Variants in NCOA7 observed in about 807,000 individuals in gnomAD.
The protein encoded by NCOA7 is nuclear receptor coactivator 7, also known as 140 kDa estrogen receptor-associated protein.
Under a neutral mutation model 104.3 loss-of-function variants are expected in NCOA7, and 45 were observed. The ratio of observed to expected loss-of-function variants is 0.43; its 90% CI spans 0.34 to 0.55. The LOEUF (loss-of-function observed/expected upper bound fraction) is 0.55. Ranked by LOEUF, NCOA7 falls within the 20% of genes least tolerant of loss-of-function variation. The probability of loss-of-function intolerance (pLI) is 0.02; values close to 1 mark genes in which losing one functional copy is unlikely to be tolerated. For synonymous variants in NCOA7, 398 were observed against 402.3 expected (o/e 0.99, Z 0.13); for missense variants, 1,041 against 1,119.7 (o/e 0.93, Z 1.00).
At position 125,846,360 on chromosome 6, in the gene NCOA7, AAT is replaced by A. The variant is rs1491444015; in HGVS notation, c.51-8659_51-8658del. On this transcript the variant is annotated intron_variant, in intron 2 of 15. Coordinates refer to ENST00000392477, the MANE Select transcript of NCOA7 (RefSeq NM_181782.5). ...AGTTTGGATATAAAAAAGAAAAAAA[AAT>A]TTTTTTTTTTTTTTTTTAATCAAAA... is the stretch of plus-strand genomic sequence containing the variant. 1.7e-3 allele frequency among the ~76,000 whole-genome samples: 116 copies of A among 67,556 alleles called. 1 individual carries two copies. Among genetic ancestry groups the A allele is most frequent in the African/African-American group, 4.4e-3 (114 of 25,910 alleles). The allele number at this position is 67,556 out of a possible 152,430, so 44.3% of individuals were successfully genotyped here.
At chr6:125,806,869 GT>G (rs752902656) in intron 1 of NCOA7, among the ~76,000 whole-genome samples, 23 of 152,234 alleles carry the variant, frequency 1.5e-4, no homozygotes, top group South Asian at 1.2e-3. Flanking sequence ...GTGTAAGTAG[GT>G]TACATGATCT....
At chr6:125,893,593 G>T (rs932057173) in intron 10 of NCOA7, among the ~76,000 whole-genome samples, 1 of 152,092 alleles carries the variant, frequency 6.6e-6, no homozygotes, top group Admixed American at 6.6e-5. Flanking sequence ...TGGAGAGGGC[G>T]GGGCTGTGGG....
chr6:125,847,066 T>A (rs911755174), intron 2 of NCOA7, among the ~76,000 whole-genome samples: 1 of 152,254 alleles, frequency 6.6e-6, no homozygotes, highest in East Asian at 1.9e-4. Context: ...AAAGACTACT[T>A]AAAATATTTT....
chr6:125,900,755 T>C (rs1485058428), intron 10 of NCOA7, among the ~76,000 whole-genome samples: 3 of 152,226 alleles, frequency 2.0e-5, no homozygotes, highest in Non-Finnish European at 4.4e-5. Context: ...GAAGAGTAGT[T>C]GGTTTGTAAA....
chr6:125,809,141 A>G (rs1776727920), intron 1 of NCOA7, among the ~76,000 whole-genome samples: 1 of 151,998 alleles, frequency 6.6e-6, no homozygotes, highest in South Asian at 2.1e-4. Context: ...TTTTTGTAAC[A>G]TGTATTTATT....
At chr6:125,800,751 G>A (rs866450751) in intron 1 of NCOA7, among the ~76,000 whole-genome samples, 1 of 152,232 alleles carries the variant, frequency 6.6e-6, no homozygotes, top group South Asian at 2.1e-4. Context: ...AAGGGGCCAG[G>A]TGTGGTGGCT....
chr6:125,880,151 G>T (rs1783702495), intron 5 of NCOA7, among the ~76,000 whole-genome samples: 1 of 152,168 alleles, frequency 6.6e-6, no homozygotes, highest in South Asian at 2.1e-4. Context: ...TGGGGTGGGG[G>T]TAGTTTTTAG....
chr6:125,895,589 C>T (rs749577218), intron 10 of NCOA7, among the ~76,000 whole-genome samples: 4 of 152,102 alleles, frequency 2.6e-5, no homozygotes, highest in African/African-American at 7.2e-5. Flanking sequence ...GGTTAATTGA[C>T]GAGAAACAAA....
At chr6:125,801,616 C>A in intron 1 of NCOA7, among the ~76,000 whole-genome samples, 1 of 152,148 alleles carries the variant, frequency 6.6e-6, no homozygotes, top group East Asian at 1.9e-4. Context: ...GCCGTGTTCC[C>A]GCTGAAACTG....
rs933783317 is a variant in NCOA7, at chr6:125,889,852, A to C, written c.1798A>C (p.Asn600His). The C allele has an allele frequency of 1.2e-6, 2 of 1,613,818 alleles. No individual in the cohort carries two copies. Among genetic ancestry groups the C allele is most frequent in the Admixed American group, 3.3e-5 (2 of 59,950 alleles). The change falls in exon 9 of 16, where the codon AAT becomes CAT. Residue 600 changes from asparagine (N) to histidine (H), a missense_variant. This residue lies in a region of NCOA7 where 914 missense variants were observed against 942.7 expected (regional missense o/e 0.97). Coordinates refer to ENST00000392477, the MANE Select transcript of NCOA7 (RefSeq NM_181782.5). ...AAAACTGAACTCTTCTACAGAAGCAAATGTGATTAAAGAGGCTCTAGACTC... is the reference window on the plus strand; with the variant it reads ...AAAACTGAACTCTTCTACAGAAGCACATGTGATTAAAGAGGCTCTAGACTC... Reference protein sequence around the residue: ...PVKLNSSTEANVIKEALDSSL... With the variant: ...PVKLNSSTEAHVIKEALDSSL...
intron 2 of NCOA7, among the ~76,000 whole-genome samples, chr6:125,831,734 C>T (rs982133100): frequency 1.3e-5 from 2 of 152,196 alleles, no homozygotes; most frequent in Non-Finnish European, 2.9e-5. Context: ...GGGCCTATTG[C>T]TTCTTGCCTC....
chr6:125,853,860 G>T lies in NCOA7; in HGVS notation c.51-1160G>T, dbSNP rs1781332546. Among the ~76,000 whole-genome samples, 3 of 152,296 alleles carry T rather than the reference G, an allele frequency of 2.0e-5. No homozygotes were observed. The South Asian group carries it at 6.2e-4, about 32-fold the overall frequency. ...TCAAGGCGTGAAATTCCTAGCCTGAGGTCAGAGTTCTCTTAAGTGTTGTAG... is the reference window on the plus strand; with the variant it reads ...TCAAGGCGTGAAATTCCTAGCCTGATGTCAGAGTTCTCTTAAGTGTTGTAG... On this transcript the variant is annotated intron_variant, in intron 2 of 15. Coordinates refer to ENST00000392477, the MANE Select transcript of NCOA7 (RefSeq NM_181782.5).
chr6:125,889,021 A>G lies in NCOA7; in HGVS notation c.967A>G (p.Ser323Gly), dbSNP rs765245137. The change falls in exon 9 of 16, where the codon AGT becomes GGT. Residue 323 changes from serine to glycine, a missense_variant. Ser to Gly is a moderately conservative substitution (Grantham distance 56). Around this residue, in one of 2 missense-constraint regions of NCOA7, gnomAD observed 914 missense variants for 942.7 expected, o/e 0.97. Coordinates refer to ENST00000392477, the MANE Select transcript of NCOA7 (RefSeq NM_181782.5). Reference protein sequence around the residue: ...LASEKDINPFSKFKSINKEKR... With the variant: ...LASEKDINPFGKFKSINKEKR... ...TTCAGAAAAGGATATCAACCCATTC[A>G]GTAAGTTCAAATCTATCAACAAGGA... 3 of 1,613,768 alleles carry G rather than the reference A, an allele frequency of 1.9e-6. No homozygotes were observed. Among genetic ancestry groups the G allele is most frequent in the South Asian group, 1.1e-5 (1 of 91,046 alleles).
intron 3 of NCOA7, 53 bp downstream of exon 3, chr6:125,855,293 T>G (rs1279181349): frequency 7.3e-7 from 1 of 1,362,490 alleles, no homozygotes; most frequent in Non-Finnish European, 1.0e-6. Flanking sequence ...TCTATAAGAA[T>G]TTTTAAAAGA....
chr6:125,861,032 T>C (rs1782006264), intron 3 of NCOA7, among the ~76,000 whole-genome samples: 1 of 152,230 alleles, frequency 6.6e-6, no homozygotes, highest in Non-Finnish European at 1.5e-5. Context: ...TAGTCAAAGA[T>C]TTATTTAAAG....
intron 2 of NCOA7, among the ~76,000 whole-genome samples, chr6:125,839,966 A>T (rs1017820948): frequency 6.8e-6 from 1 of 146,018 alleles, no homozygotes. Context: ...TCTGATTATT[A>T]AAAAAAAAAA....
In NCOA7 at chr6:125,889,526, A is replaced by G; in HGVS notation, c.1472A>G (p.Asp491Gly). 1 of 1,614,148 alleles carries G rather than the reference A, an allele frequency of 6.2e-7. No individual in the cohort carries two copies. Among genetic ancestry groups the G allele is most frequent in the South Asian group, 1.1e-5 (1 of 91,084 alleles). Residue 491 changes from aspartate (D) to glycine (G), a missense_variant, in exon 9 of 16, where the codon GAT becomes GGT. Asp to Gly is a moderately conservative substitution (Grantham distance 94). Transcript: ENST00000392477. ...ALDLETCEKQ[D>G]IMPEVDKQSG... Reference sequence around the variant, plus strand: ...GATTTAGAAACCTGTGAGAAGCAAGATATAATGCCAGAAGTGGACAAGCAG... The same window carrying G: ...GATTTAGAAACCTGTGAGAAGCAAGGTATAATGCCAGAAGTGGACAAGCAG...
chr6:125,899,252 G>T (rs1562159361), intron 10 of NCOA7, among the ~76,000 whole-genome samples: 2 of 152,150 alleles, frequency 1.3e-5, no homozygotes, highest in African/African-American at 4.8e-5. Context: ...AATAAGGGAT[G>T]AATTAAAGGA....
chr6:125,872,956 A>G (rs899776522), intron 3 of NCOA7, among the ~76,000 whole-genome samples: 10 of 152,254 alleles, frequency 6.6e-5, no homozygotes, highest in South Asian at 2.1e-4. Flanking sequence ...TGACTAGAAC[A>G]GGACTGTAAT....
Sources: gnomAD v4.1 joint callset for allele counts (sites outside exome capture counted in the v4.1 genomes callset) on GRCh38, gnomAD v4.1.1 for gene constraint, gnomAD v4.1.1 regional missense constraint, MANE v1.5 for transcripts, NCBI Gene and HGNC (gene_info 2026-07-23, HGNC 2026-07-21) for gene names.